PRR5: variants seen among roughly 807,000 people sequenced by gnomAD.
PRR5 encodes proline rich 5, also known as proline-rich protein 5.
Under a neutral mutation model 30.6 loss-of-function variants are expected in PRR5, and 25 were observed. The observed-to-expected ratio is 0.82, with a 90% confidence interval of 0.60 to 1.14. The LOEUF is 1.14. Ranked by LOEUF, PRR5 falls within the 50% of genes most tolerant of loss-of-function variation. The pLI, the probability that PRR5 is intolerant of heterozygous loss-of-function variation, is 0.00. For missense variants in PRR5, 600 were observed against 547.1 expected, an observed-to-expected ratio of 1.10 and a Z score of -0.96; for synonymous variants, 286 against 247.1, an observed-to-expected ratio of 1.16 and a Z score of -1.48.
chr22:44,726,953 C>T (rs992131071), intron 4 of PRR5, among the ~76,000 whole-genome samples: 2 of 152,136 alleles, frequency 1.3e-5, no homozygotes, highest in African/African-American at 2.4e-5. Flanking sequence ...TGGGAGAGCC[C>T]CTGTCCTGGT....
chr22:44,715,599 G>A (rs973686719), intron 2 of PRR5, among the ~76,000 whole-genome samples: 1 of 152,082 alleles, frequency 6.6e-6, no homozygotes, highest in Admixed American at 6.6e-5. Flanking sequence ...TTCCTGATGA[G>A]CCTCTGCTTC....
intron 6 of PRR5, 32 bp from the exon 7 acceptor site, chr22:44,734,995 G>C (rs1374913973): frequency 6.3e-7 from 1 of 1,589,884 alleles, no homozygotes; most frequent in Non-Finnish European, 8.6e-7. Context: ...TCGGGTGCAT[G>C]ACCCCCTACC....
intron 3 of PRR5, among the ~76,000 whole-genome samples, chr22:44,725,524 G>A (rs558254888): frequency 6.6e-6 from 1 of 152,376 alleles, no homozygotes; most frequent in African/African-American, 2.4e-5. Flanking sequence ...AGGCTGGAGT[G>A]CAATGGCGTG....
intron 1 of PRR5, among the ~76,000 whole-genome samples, chr22:44,707,841 C>G (rs570309699): frequency 2.6e-5 from 4 of 152,338 alleles, no homozygotes; most frequent in African/African-American, 9.6e-5. Flanking sequence ...ACACTTCCTC[C>G]TTGCCAGGCC....
At chr22:44,716,107 G>A (rs1929012047) in intron 2 of PRR5, among the ~76,000 whole-genome samples, 2 of 152,184 alleles carry the variant, frequency 1.3e-5, no homozygotes. Flanking sequence ...CCACAGGGCT[G>A]ACACAGAGCA....
At chr22:44,707,096 C>CCCTT (rs1381822328) in intron 1 of PRR5, among the ~76,000 whole-genome samples, 1 of 152,182 alleles carries the variant, frequency 6.6e-6, no homozygotes, top group African/African-American at 2.4e-5. Flanking sequence ...CATCCTTATC[C>CCCTT]CCTTCCTTCC....
At position 44,707,001 on chromosome 22, in the gene PRR5, G is replaced by A. The variant is rs889674193; in HGVS notation, c.134+4393G>A. 4.6e-5 allele frequency among the ~76,000 whole-genome samples: 7 copies of A among 152,334 alleles called. No homozygotes were observed. The East Asian group carries it at 1.3e-3, about 29-fold the overall frequency. ...TCTGCCTCCCAGTGCCAAGGTGGCA[G>A]AGATGTGTCCCCATCGGGCTCTCCC... On this transcript the variant is annotated intron_variant, in intron 1 of 7. Transcript: ENST00000336985.
intron 1 of PRR5, among the ~76,000 whole-genome samples, chr22:44,712,745 G>C (rs1928451286): frequency 6.6e-6 from 1 of 152,234 alleles, no homozygotes; most frequent in Admixed American, 6.5e-5. Flanking sequence ...AAGGTGAGAA[G>C]TGTGGTGCTG....
In PRR5 at chr22:44,694,567, A is replaced by C. The variant is rs1196283810; in HGVS notation, c.-10-7925A>C. 3.3e-5 allele frequency among the ~76,000 whole-genome samples: 5 copies of C among 152,096 alleles called. No homozygotes were observed. In the East Asian group the frequency reaches 9.7e-4, roughly 29 times the overall value. On this transcript the variant is annotated intron_variant, in intron 1 of 8. Coordinates refer to the PRR5 transcript ENST00000006251. ...ACTCTGTTCTGGGTCGCTGGCAGAC[A>C]CAGGCATGGTCCTCATTAGTGTAGG... is the stretch of plus-strand genomic sequence containing the variant.
At chr22:44,684,495 C>G (rs1000383720) in intron 1 of PRR5, among the ~76,000 whole-genome samples, 1 of 152,118 alleles carries the variant, frequency 6.6e-6, no homozygotes, top group Non-Finnish European at 1.5e-5. Flanking sequence ...TGCAGTGAGC[C>G]GAGATCGCGC....
chr22:44,720,093 C>T (rs1929702557), intron 2 of PRR5, among the ~76,000 whole-genome samples: 1 of 152,298 alleles, frequency 6.6e-6, no homozygotes, highest in South Asian at 2.1e-4. Context: ...GGCATGGTGT[C>T]CTCTATTCCT....
In PRR5 at chr22:44,736,944, C is replaced by T. The variant is rs1457675906; in HGVS notation, c.864C>T (p.Ser288=). 6.2e-7 allele frequency: 1 copy of T among 1,605,846 alleles called. No homozygotes were observed. Among genetic ancestry groups the T allele is most frequent in the Non-Finnish European group, 8.5e-7 (1 of 1,177,586 alleles). ...IRRHSVSEMT[S]CPEPQGFSDP... is the part of the protein sequence containing the mutation. ...GGCACTCTGTGTCGGAGATGACGTC[C>T]TGCCCCGAGCCTCAGGGCTTCTCCG... Residue 288 remains serine (S), a synonymous_variant, in exon 8 of 8, where the codon TCC becomes TCT. Coordinates refer to ENST00000336985, the MANE Select transcript of PRR5 (RefSeq NM_181333.4).
At chr22:44,720,095 T>C (rs1929702958) in intron 2 of PRR5, among the ~76,000 whole-genome samples, 2 of 152,156 alleles carry the variant, frequency 1.3e-5, no homozygotes, top group Non-Finnish European at 1.5e-5. Flanking sequence ...CATGGTGTCC[T>C]CTATTCCTAG....
At position 44,732,673 on chromosome 22, in the gene PRR5, G is replaced by A. The variant is rs147333801; in HGVS notation, c.555+282G>A. ...CTGTGCCCACCCCCAGCACGCACAC[G>A]CACATACACACTACACACATACTTG... On this transcript the variant is annotated intron_variant, in intron 6 of 7. Transcript: ENST00000336985. Among the ~76,000 whole-genome samples, 235 of 152,180 alleles carry A rather than the reference G, an allele frequency of 1.5e-3. 1 individual carries two copies. The highest frequency in any genetic ancestry group is 5.3e-3 in the African/African-American group (221 of 41,546).
At chr22:44,714,996 A>G (rs1077163) in intron 2 of PRR5, among the ~76,000 whole-genome samples, 48,510 of 152,120 alleles carry the variant, frequency 0.32, 8,338 homozygotes, top group Non-Finnish European at 0.39. Context: ...GACGGCCCCC[A>G]CTGGTGCTGA....
chr22:44,686,128 C>G, intron 1 of PRR5, among the ~76,000 whole-genome samples: 1 of 152,082 alleles, frequency 6.6e-6, no homozygotes. Context: ...TAACACACAC[C>G]TGTAATCTCA....
upstream of PRR5, among the ~76,000 whole-genome samples, chr22:44,700,616 T>C (rs1303587685): frequency 1.3e-5 from 2 of 152,184 alleles, no homozygotes; most frequent in Non-Finnish European, 2.9e-5. Context: ...AAAGTGAGAC[T>C]CTGTCTCAAA....
chr22:44,708,692 C>T (rs558114209), intron 1 of PRR5, among the ~76,000 whole-genome samples: 6 of 152,110 alleles, frequency 3.9e-5, no homozygotes, highest in East Asian at 1.9e-4. Context: ...GGAGGCCAAA[C>T]GCCGTAGCTC....
chr22:44,732,897 GCA>G (rs1922411355), intron 6 of PRR5, among the ~76,000 whole-genome samples: 3 of 145,676 alleles, frequency 2.1e-5, no homozygotes, highest in Non-Finnish European at 3.0e-5. Context: ...CCACACACGT[GCA>G]CACGCATACA....
Sources: gnomAD v4.1 joint callset for allele counts (sites outside exome capture counted in the v4.1 genomes callset) on GRCh38, gnomAD v4.1.1 for gene constraint, MANE v1.5 for transcripts, NCBI Gene and HGNC (gene_info 2026-07-23, HGNC 2026-07-21) for gene names.